The following KIAA1549L variants were observed in gnomAD, a reference collection of about 807,000 sequenced individuals.
KIAA1549L encodes the protein UPF0606 protein KIAA1549L.
A neutral mutation model predicts 160.7 loss-of-function variants in KIAA1549L; 88 were observed. That is an observed-to-expected ratio of 0.55 (90% CI 0.46 to 0.65). The LOEUF (loss-of-function observed/expected upper bound fraction) is 0.65, where lower values mean the gene tolerates loss of function less well. Ranked by LOEUF, KIAA1549L falls within the 30% of genes least tolerant of loss-of-function variation. The pLI is 0.00. For synonymous variants in KIAA1549L, 950 were observed against 976.7 expected (o/e 0.97, Z 0.51); for missense variants, 2,258 against 2,437.5 (o/e 0.93, Z 1.55).
At chr11:33,561,234 C>G (rs1397723400) in intron 7 of KIAA1549L, among the ~76,000 whole-genome samples, 3 of 152,174 alleles carry the variant, frequency 2.0e-5, no homozygotes, top group Non-Finnish European at 2.9e-5. Context: ...AGACAGGTTC[C>G]TGCTGTGGGT....
At chr11:33,435,856 G>A (rs12284640) in intron 1 of KIAA1549L, among the ~76,000 whole-genome samples, 1 of 98,772 alleles carries the variant, frequency 1.0e-5, no homozygotes, top group African/African-American at 4.2e-5. Flanking sequence ...GTGTGTGTGT[G>A]TGTGTGTATA....
At chr11:33,473,790 A>G (rs1852231448) in intron 1 of KIAA1549L, among the ~76,000 whole-genome samples, 1 of 152,210 alleles carries the variant, frequency 6.6e-6, no homozygotes, top group Non-Finnish European at 1.5e-5. Context: ...TCCACTGGTC[A>G]AATCCTACTC....
intron 1 of KIAA1549L, among the ~76,000 whole-genome samples, chr11:33,508,967 C>G (rs990747660): frequency 6.6e-6 from 1 of 152,180 alleles, no homozygotes; most frequent in African/African-American, 2.4e-5. Context: ...TCTGTCGTCT[C>G]TTTGGGGGAG....
intron 1 of KIAA1549L, among the ~76,000 whole-genome samples, chr11:33,414,294 T>C (rs935347801): frequency 3.3e-5 from 5 of 152,218 alleles, no homozygotes; most frequent in African/African-American, 1.2e-4. Context: ...AATATCGTAA[T>C]TTATGAAGTG....
At chr11:33,431,866 G>C (rs564538418) in intron 1 of KIAA1549L, among the ~76,000 whole-genome samples, 1 of 152,370 alleles carries the variant, frequency 6.6e-6, no homozygotes, top group East Asian at 1.9e-4. Context: ...GCCATGGTGG[G>C]CTGCAGTCCC....
At chr11:33,438,647 C>T (rs1218241270) in intron 1 of KIAA1549L, among the ~76,000 whole-genome samples, 3 of 152,200 alleles carry the variant, frequency 2.0e-5, no homozygotes, top group Admixed American at 6.5e-5. Flanking sequence ...GAACCTGTGA[C>T]GTCAATTATT....
In KIAA1549L at chr11:33,457,657, A is replaced by G. The variant is rs546879652; in HGVS notation, c.238+80768A>G. 2.0e-5 allele frequency among the ~76,000 whole-genome samples: 3 copies of G among 152,346 alleles called. No individual in the cohort carries two copies. The South Asian group carries it at 6.2e-4, about 32-fold the overall frequency. On this transcript the variant is annotated intron_variant, in intron 1 of 20. Coordinates refer to ENST00000658780, the MANE Select transcript of KIAA1549L (RefSeq NM_012194.3). ...TCTATGCTCATCCTGGTGTTTCCAC[A>G]GCATTCATTTAACAAGCATTCATTG...
At chr11:33,532,229 TGATA>T (rs936778858) in intron 1 of KIAA1549L, among the ~76,000 whole-genome samples, 5 of 152,140 alleles carry the variant, frequency 3.3e-5, no homozygotes, top group Non-Finnish European at 7.3e-5. Context: ...CAAGGTGAGG[TGATA>T]GATATGAAAA....
At chr11:33,467,473 G>A (rs1379171422) in intron 1 of KIAA1549L, among the ~76,000 whole-genome samples, 1 of 152,328 alleles carries the variant, frequency 6.6e-6, no homozygotes, top group African/African-American at 2.4e-5. Context: ...GGACATAGGG[G>A]TGATTTGCTT....
chr11:33,633,169 T>G (rs1851347807), intron 16 of KIAA1549L, among the ~76,000 whole-genome samples: 6 of 124,888 alleles, frequency 4.8e-5, no homozygotes, highest in East Asian at 2.3e-4. Flanking sequence ...TTTTTTTTTT[T>G]TGTATTTTTA....
intron 2 of KIAA1549L, 138 bp downstream of exon 2, chr11:33,544,474 A>G: frequency 1.1e-6 from 1 of 943,046 alleles, no homozygotes; most frequent in Non-Finnish European, 1.6e-6. Flanking sequence ...ATCAGGAATG[A>G]GTTAGTAGCC....
chr11:33,426,036 C>A (rs1264714432), intron 1 of KIAA1549L, among the ~76,000 whole-genome samples: 1 of 152,152 alleles, frequency 6.6e-6, no homozygotes, highest in Non-Finnish European at 1.5e-5. Flanking sequence ...GCTAAGGAGA[C>A]TTGAGAACTA....
chr11:33,579,536 G>A (rs1463273916), intron 10 of KIAA1549L, among the ~76,000 whole-genome samples: 3 of 151,974 alleles, frequency 2.0e-5, no homozygotes, highest in South Asian at 2.1e-4. Context: ...CTGGCCTCAC[G>A]GATAAAGGAG....
chr11:33,607,180 G>A (rs994690414), intron 14 of KIAA1549L, among the ~76,000 whole-genome samples: 1 of 152,194 alleles, frequency 6.6e-6, no homozygotes, highest in South Asian at 2.1e-4. Context: ...GATGTTGCTT[G>A]TAGTGGGGAT....
At chr11:33,550,955 C>A in intron 4 of KIAA1549L, 85 bp from the exon 5 acceptor site, 1 of 1,063,982 alleles carries the variant, frequency 9.4e-7, no homozygotes, top group South Asian at 1.3e-5. Flanking sequence ...TTGTTTCTAA[C>A]AGCCGTGGTT....
chr11:33,662,434 G>T lies in KIAA1549L; in HGVS notation c.6159+1420G>T, dbSNP rs192387470. 2.0e-3 allele frequency among the ~76,000 whole-genome samples: 302 copies of T among 152,308 alleles called. 1 individual carries two copies. The highest frequency in any genetic ancestry group is 7.0e-3 in the African/African-American group (292 of 41,562). ...AGGGATCCCCTGCTGTTCAGTCTGTGAATCTGAATGTGGGACTTTACGGCA... is the reference window on the plus strand; with the variant it reads ...AGGGATCCCCTGCTGTTCAGTCTGTTAATCTGAATGTGGGACTTTACGGCA... On this transcript the variant is annotated intron_variant, in intron 20 of 20. Transcript: ENST00000658780.
chr11:33,578,859 AGTT>A (rs1000621235), intron 10 of KIAA1549L, among the ~76,000 whole-genome samples: 9 of 152,078 alleles, frequency 5.9e-5, no homozygotes, highest in African/African-American at 2.2e-4. Context: ...GGGCCATAAC[AGTT>A]GTTGTCTGTC....
intron 12 of KIAA1549L, among the ~76,000 whole-genome samples, chr11:33,592,093 G>T (rs1226814228): frequency 1.3e-5 from 2 of 152,218 alleles, no homozygotes; most frequent in Non-Finnish European, 2.9e-5. Context: ...AGGGCATCCA[G>T]TCTAAAAAGA....
At chr11:33,438,741 C>A (rs1851430579) in intron 1 of KIAA1549L, among the ~76,000 whole-genome samples, 1 of 152,136 alleles carries the variant, frequency 6.6e-6, no homozygotes, top group Non-Finnish European at 1.5e-5. Context: ...TACGAGTCTC[C>A]ACTGTTAGAA....
Sources: gnomAD v4.1 joint callset for allele counts (sites outside exome capture counted in the v4.1 genomes callset) on GRCh38, gnomAD v4.1.1 for gene constraint, MANE v1.5 for transcripts, NCBI Gene and HGNC (gene_info 2026-07-23, HGNC 2026-07-21) for gene names.